The following CDA variants were observed in gnomAD, a reference collection of about 807,000 sequenced individuals.
CDA encodes the protein cytidine aminohydrolase.
In CDA, 7 loss-of-function variants were observed where a neutral mutation model predicts 15.0. That is an observed-to-expected ratio of 0.47 (90% CI 0.26 to 0.87). The LOEUF (loss-of-function observed/expected upper bound fraction) is 0.87. Ranked by LOEUF, CDA falls within the 40% of genes least tolerant of loss-of-function variation. CDA has a pLI of 0.15. For synonymous variants in CDA, 58 were observed against 73.0 expected (o/e 0.79, Z 1.05); for missense variants, 159 against 182.7 (o/e 0.87, Z 0.75).
intron 1 of CDA, among the ~76,000 whole-genome samples, chr1:20,601,761 T>C (rs572894194): frequency 6.6e-6 from 1 of 152,256 alleles, no homozygotes; most frequent in East Asian, 1.9e-4. Context: ...AAGAAGATAA[T>C]GACCAAATAA....
intron 2 of CDA, among the ~76,000 whole-genome samples, chr1:20,613,530 G>A (rs1557551563): frequency 6.6e-6 from 1 of 152,204 alleles, no homozygotes; most frequent in African/African-American, 2.4e-5. Flanking sequence ...TGATAACTCA[G>A]CTGGTTTTTT....
At chr1:20,592,360 G>A (rs1253193425) in intron 1 of CDA, among the ~76,000 whole-genome samples, 6 of 152,170 alleles carry the variant, frequency 3.9e-5, no homozygotes, top group South Asian at 2.1e-4. Flanking sequence ...TTTCTGCCTC[G>A]TAATAAGAAG....
chr1:20,600,731 A>G (rs1484016438), intron 1 of CDA, among the ~76,000 whole-genome samples: 1 of 146,426 alleles, frequency 6.8e-6, no homozygotes, highest in African/African-American at 2.5e-5. Context: ...TCCAACCTGC[A>G]TGACAGAGTG....
chr1:20,592,609 A>T (rs2052558915), intron 1 of CDA, among the ~76,000 whole-genome samples: 1 of 152,222 alleles, frequency 6.6e-6, no homozygotes, highest in Admixed American at 6.5e-5. Flanking sequence ...GTCAGGGTAC[A>T]GTATCTGCTC....
chr1:20,594,492 A>C (rs2052574720), intron 1 of CDA, among the ~76,000 whole-genome samples: 1 of 151,944 alleles, frequency 6.6e-6, no homozygotes, highest in Non-Finnish European at 1.5e-5. Context: ...AGGATTGAGA[A>C]AGCAAAGAAA....
At chr1:20,600,300 C>T (rs1217309429) in intron 1 of CDA, among the ~76,000 whole-genome samples, 2 of 151,952 alleles carry the variant, frequency 1.3e-5, no homozygotes, top group East Asian at 1.9e-4. Flanking sequence ...AGTCAGGGAT[C>T]GGGCAGGGAA....
At chr1:20,590,399 C>T (rs2052537577) in intron 1 of CDA, among the ~76,000 whole-genome samples, 1 of 152,148 alleles carries the variant, frequency 6.6e-6, no homozygotes, top group Non-Finnish European at 1.5e-5. Context: ...GAAATTCAGA[C>T]CTGTTTTGGT....
intron 3 of CDA, among the ~76,000 whole-genome samples, chr1:20,615,453 C>G (rs1480964205): frequency 9.1e-6 from 1 of 110,246 alleles, no homozygotes; most frequent in Non-Finnish European, 1.7e-5. Context: ...GGCAACATAG[C>G]GAGACCCTGT....
intron 1 of CDA, among the ~76,000 whole-genome samples, chr1:20,594,379 C>T (rs548174144): frequency 2.1e-4 from 32 of 151,250 alleles, no homozygotes; most frequent in Admixed American, 6.6e-4. Context: ...TGGGGAGAGC[C>T]GAGGGAGAGG....
chr1:20,592,560 G>A (rs1053765788), intron 1 of CDA, among the ~76,000 whole-genome samples: 1 of 152,198 alleles, frequency 6.6e-6, no homozygotes, highest in Non-Finnish European at 1.5e-5. Context: ...GACATTTAGT[G>A]TGACAGGTGC....
At chr1:20,610,177 C>T (rs2052733378) in intron 2 of CDA, among the ~76,000 whole-genome samples, 1 of 151,904 alleles carries the variant, frequency 6.6e-6, no homozygotes, top group Admixed American at 6.6e-5. Flanking sequence ...CCCAGCACTG[C>T]TCAGTAAATA....
Position 20,589,169 on chromosome 1 carries a change from T to C in CDA, c.40T>C (p.Cys14Arg), listed in dbSNP as rs766996635. The C allele has an allele frequency of 1.2e-6, 2 of 1,613,944 alleles. No individual in the cohort carries two copies. The highest frequency in any genetic ancestry group is 2.2e-5 in the South Asian group (2 of 91,076). Residue 14 changes from cysteine to arginine, a missense_variant, in exon 1 of 4, where the codon TGT becomes CGT. Coordinates refer to ENST00000375071, the MANE Select transcript of CDA (RefSeq NM_001785.3). ...TCCTGCCTGCACCCTGAAGCCTGAGTGTGTCCAGCAGCTGCTGGTTTGCTC... is the reference window on the plus strand; with the variant it reads ...TCCTGCCTGCACCCTGAAGCCTGAGCGTGTCCAGCAGCTGCTGGTTTGCTC... ...KRPACTLKPE[C>R]VQQLLVCSQE...
At chr1:20,613,969 G>A in intron 3 of CDA, 70 bp downstream of exon 3, 1 of 1,439,514 alleles carries the variant, frequency 6.9e-7, no homozygotes, top group African/African-American at 1.4e-5. Context: ...GCCACGCCAA[G>A]TTGCAGGCAT....
chr1:20,602,418 G>GT (rs112566518), intron 1 of CDA, among the ~76,000 whole-genome samples: 47 of 146,596 alleles, frequency 3.2e-4, no homozygotes, highest in Middle Eastern at 3.5e-3. Flanking sequence ...CCACATCATG[G>GT]TTTTTTTTTT....
intron 1 of CDA, among the ~76,000 whole-genome samples, chr1:20,590,102 AC>A (rs1484309779): frequency 6.6e-6 from 1 of 152,056 alleles, no homozygotes; most frequent in Non-Finnish European, 1.5e-5. Context: ...GTGTGGAGGT[AC>A]CCCTTGGTAT....
chr1:20,617,150 C>G (rs1161655509), intron 3 of CDA, among the ~76,000 whole-genome samples: 1 of 152,174 alleles, frequency 6.6e-6, no homozygotes, highest in Non-Finnish European at 1.5e-5. Context: ...ATCCCTAAAA[C>G]CATTCCATGG....
At chr1:20,596,299 T>C (rs58719955) in intron 1 of CDA, among the ~76,000 whole-genome samples, 2,002 of 152,262 alleles carry the variant, frequency 0.013, 41 homozygotes, top group African/African-American at 0.045. Flanking sequence ...TCTTCAAGTA[T>C]ATGGACAGAA....
chr1:20,612,072 A>T (rs1027047536), intron 2 of CDA, among the ~76,000 whole-genome samples: 1 of 152,134 alleles, frequency 6.6e-6, no homozygotes, highest in Non-Finnish European at 1.5e-5. Flanking sequence ...CATGTTGGCC[A>T]GGATGGTCTC....
chr1:20,608,424 G>GTTTTGTTTTGTTTTGCTTTGTTTTGT (rs769091381), intron 2 of CDA, among the ~76,000 whole-genome samples: 7 of 150,348 alleles, frequency 4.7e-5, no homozygotes, highest in Non-Finnish European at 7.4e-5. Flanking sequence ...GTTTTGTTTT[G>GTTTTGTTTTGTTTTGCTTTGTTTTGT]TTTGAGAACA....
Sources: gnomAD v4.1 joint callset for allele counts (sites outside exome capture counted in the v4.1 genomes callset) on GRCh38, gnomAD v4.1.1 for gene constraint, MANE v1.5 for transcripts, NCBI Gene and HGNC (gene_info 2026-07-23, HGNC 2026-07-21) for gene names.